The following SOCS5 variants were observed in gnomAD, a reference collection of about 807,000 sequenced individuals.
SOCS5 encodes CIS-6.
Under a neutral mutation model 42.8 loss-of-function variants are expected in SOCS5, and 32 were observed. The observed-to-expected ratio is 0.75, with a 90% CI of 0.56 to 1.01. The LOEUF is 1.01. Among genes scored for constraint, SOCS5 ranks in the 50% least tolerant of loss-of-function variants. The probability of loss-of-function intolerance (pLI) is 0.00; values close to 1 mark genes in which losing one functional copy is unlikely to be tolerated. For missense variants in SOCS5, 627 were observed against 653.0 expected, an observed-to-expected ratio of 0.96 and a Z score of 0.43; for synonymous variants, 283 against 229.6, an observed-to-expected ratio of 1.23 and a Z score of -2.10.
At chr2:46,706,609 A>G (rs1027946079) in intron 1 of SOCS5, among the ~76,000 whole-genome samples, 1 of 152,228 alleles carries the variant, frequency 6.6e-6, no homozygotes, top group African/African-American at 2.4e-5. Context: ...GGTTACATTA[A>G]TAAAAGGAAC....
At chr2:46,735,987 C>A (rs955760929) in intron 1 of SOCS5, among the ~76,000 whole-genome samples, 55 of 151,540 alleles carry the variant, frequency 3.6e-4, no homozygotes, top group African/African-American at 1.3e-3. Flanking sequence ...TTAACCATTT[C>A]TCTCTCTCCC....
intron 1 of SOCS5, among the ~76,000 whole-genome samples, chr2:46,750,287 A>G (rs1673595076): frequency 1.3e-5 from 2 of 152,182 alleles, no homozygotes; most frequent in African/African-American, 4.8e-5. Context: ...GTGCCCTCCT[A>G]CGTGATACCA....
intron 1 of SOCS5, among the ~76,000 whole-genome samples, chr2:46,709,989 C>A (rs190190457): frequency 6.6e-6 from 1 of 152,112 alleles, no homozygotes; most frequent in Non-Finnish European, 1.5e-5. Flanking sequence ...CTCCACCCCC[C>A]ATGCTTGAAT....
At chr2:46,742,089 G>A (rs1673391415) in intron 1 of SOCS5, among the ~76,000 whole-genome samples, 1 of 152,176 alleles carries the variant, frequency 6.6e-6, no homozygotes. Context: ...ACTTTGACAG[G>A]TTGATAAGTG....
At chr2:46,704,596 T>C (rs1477194078) in intron 1 of SOCS5, among the ~76,000 whole-genome samples, 1 of 152,186 alleles carries the variant, frequency 6.6e-6, no homozygotes, top group Non-Finnish European at 1.5e-5. Flanking sequence ...TATTATGTAC[T>C]GTATACAGTT....
chr2:46,703,638 A>G (rs921035323), intron 1 of SOCS5, among the ~76,000 whole-genome samples: 6 of 152,208 alleles, frequency 3.9e-5, no homozygotes, highest in African/African-American at 1.4e-4. Flanking sequence ...TTTTCTTTAT[A>G]CATTTAAAGA....
In SOCS5 at chr2:46,757,428, T is replaced by G. The variant is rs1318237787; in HGVS notation, c.-12-1091T>G. Among the ~76,000 whole-genome samples the G allele has an allele frequency of 4.0e-5, 6 of 151,804 alleles. No individual in the cohort carries two copies. In the East Asian group the frequency reaches 9.6e-4, roughly 24 times the overall value. ...GTAAAGTATCATACACTGCTTTAGA[T>G]TTTTTTTTAAGGAACAAGAATAAAG... On this transcript the variant is annotated intron_variant, in intron 1 of 1. Transcript: ENST00000394861.
At chr2:46,723,007 G>A (rs1672915415) in intron 1 of SOCS5, among the ~76,000 whole-genome samples, 1 of 151,848 alleles carries the variant, frequency 6.6e-6, no homozygotes, top group South Asian at 2.1e-4. Context: ...GCTGTTATAT[G>A]CTTTCTTAAT....
intron 1 of SOCS5, among the ~76,000 whole-genome samples, chr2:46,721,847 A>G (rs914980753): frequency 1.3e-5 from 2 of 152,128 alleles, no homozygotes; most frequent in African/African-American, 4.8e-5. Flanking sequence ...AACTGTGACC[A>G]GTCTAAGTAC....
chr2:46,759,965 A>G lies in SOCS5; in HGVS notation c.1435A>G (p.Thr479Ala). The part of the protein sequence containing the change: ...EPLLTISLNR[T>A]FPFSLQYICR... ...ATTGCTTACTATATCACTAAATAGG[A>G]CTTTCCCTTTTAGCCTGCAGTATAT... Residue 479 changes from threonine (T) to alanine (A), a missense_variant, in exon 2 of 2, where the codon ACT becomes GCT. Transcript: ENST00000394861. The G allele has an allele frequency of 1.2e-6, 2 of 1,614,172 alleles. No homozygotes were observed. The highest frequency in any genetic ancestry group is 8.5e-7 in the Non-Finnish European group (1 of 1,180,020).
chr2:46,704,810 G>C (rs78908718), intron 1 of SOCS5, among the ~76,000 whole-genome samples: 2 of 152,108 alleles, frequency 1.3e-5, no homozygotes, highest in Non-Finnish European at 2.9e-5. Context: ...AACACACCTG[G>C]GCATATGTTA....
chr2:46,746,110 A>G (rs1384579802), intron 1 of SOCS5, among the ~76,000 whole-genome samples: 1 of 151,874 alleles, frequency 6.6e-6, no homozygotes, highest in Non-Finnish European at 1.5e-5. Flanking sequence ...GATGCTCCAG[A>G]AGGGAGTGAG....
At chr2:46,746,875 G>T (rs1230483274) in intron 1 of SOCS5, among the ~76,000 whole-genome samples, 1 of 146,304 alleles carries the variant, frequency 6.8e-6, no homozygotes, top group Non-Finnish European at 1.5e-5. Context: ...CACATCATCA[G>T]AAAATGGAGT....
chr2:46,725,712 A>T (rs1204778398), intron 1 of SOCS5, among the ~76,000 whole-genome samples: 1 of 151,862 alleles, frequency 6.6e-6, no homozygotes, highest in African/African-American at 2.4e-5. Flanking sequence ...GATGGTTACC[A>T]TTTCTTTGTT....
intron 1 of SOCS5, among the ~76,000 whole-genome samples, chr2:46,710,572 GA>G (rs201422186): frequency 1.3e-5 from 2 of 151,624 alleles, no homozygotes; most frequent in South Asian, 2.1e-4. Flanking sequence ...GTCCACTTGT[GA>G]AAAAAAACTC....
intron 1 of SOCS5, among the ~76,000 whole-genome samples, chr2:46,746,999 A>G (rs939479353): frequency 7.6e-6 from 1 of 131,606 alleles, no homozygotes; most frequent in Admixed American, 9.4e-5. Flanking sequence ...GCCATCAGTG[A>G]TTACATATCA....
In SOCS5 at chr2:46,755,806, G is replaced by A. The variant is rs75478302; in HGVS notation, c.-12-2713G>A. ...TTAACAAAACAAACAAAAGAACTTCGAATCTGACATTGTTAATACCAAGAT... is the reference window on the plus strand; with the variant it reads ...TTAACAAAACAAACAAAAGAACTTCAAATCTGACATTGTTAATACCAAGAT... On this transcript the variant is annotated intron_variant, in intron 1 of 1. Transcript: ENST00000394861. Among the ~76,000 whole-genome samples, 1,194 of 152,176 alleles carry A rather than the reference G, an allele frequency of 7.8e-3. 8 individuals carry two copies. The highest frequency in any genetic ancestry group is 0.013 in the African/African-American group (558 of 41,524).
rs181482748 is a variant in SOCS5 at position 46,760,430 on chromosome 2, G to T, written c.*289G>T. 3.0e-3 allele frequency: 935 copies of T among 309,118 alleles called. 3 individuals are homozygous for T. Among genetic ancestry groups the T allele is most frequent in the Non-Finnish European group, 4.8e-3 (762 of 159,108 alleles). 19.1% of individuals were successfully genotyped at this position (309,118 alleles called of 1,614,324 possible). On this transcript the variant is annotated 3_prime_UTR_variant, in exon 2 of 2. Transcript: ENST00000394861. ...GGTATTTGAGTGAGGCAACTCTGGG[G>T]CATTTGTTATGAAGAATTCTATTTC... is the stretch of plus-strand genomic sequence containing the variant.
chr2:46,727,211 C>T (rs544484421), intron 1 of SOCS5, among the ~76,000 whole-genome samples: 16 of 141,352 alleles, frequency 1.1e-4, no homozygotes, highest in East Asian at 1.0e-3. Context: ...TGCAGTGGCA[C>T]GATCTCAGCT....
Sources: gnomAD v4.1 joint callset for allele counts (sites outside exome capture counted in the v4.1 genomes callset) on GRCh38, gnomAD v4.1.1 for gene constraint, MANE v1.5 for transcripts, NCBI Gene and HGNC (gene_info 2026-07-23, HGNC 2026-07-21) for gene names.